The following LMX1B variants were observed in gnomAD, a reference collection of about 807,000 sequenced individuals.
The protein encoded by LMX1B is LIM homeobox transcription factor 1-beta.
In LMX1B, 12 loss-of-function variants were observed where a neutral mutation model predicts 51.4. That is an observed-to-expected ratio of 0.23 (90% CI 0.15 to 0.38). LMX1B has a LOEUF of 0.38. Ranked by LOEUF, LMX1B falls within the 10% of genes least tolerant of loss-of-function variation. The pLI is 1.00. For synonymous variants in LMX1B, 237 were observed against 235.4 expected (o/e 1.01, Z -0.06); for missense variants, 445 against 571.1 (o/e 0.78, Z 2.25).
At chr9:126,652,322 C>T (rs1317241882) in intron 2 of LMX1B, among the ~76,000 whole-genome samples, 1 of 151,638 alleles carries the variant, frequency 6.6e-6, no homozygotes, top group East Asian at 2.0e-4. Context: ...CTCTTTCTTC[C>T]CGGCCTGCTT....
intron 2 of LMX1B, among the ~76,000 whole-genome samples, chr9:126,621,165 G>T (rs1024588313): frequency 6.6e-6 from 1 of 152,238 alleles, no homozygotes; most frequent in Non-Finnish European, 1.5e-5. Flanking sequence ...AAGGATGGAG[G>T]ATACTCTCAC....
intron 2 of LMX1B, among the ~76,000 whole-genome samples, chr9:126,644,300 C>A (rs1321870641): frequency 6.6e-6 from 1 of 152,128 alleles, no homozygotes; most frequent in Non-Finnish European, 1.5e-5. Context: ...TTTGGAAAAA[C>A]CTGTTTGTTG....
intron 2 of LMX1B, among the ~76,000 whole-genome samples, chr9:126,651,521 C>T (rs1365735918): frequency 6.6e-6 from 1 of 152,008 alleles, no homozygotes; most frequent in African/African-American, 2.4e-5. Context: ...GCCTTGGAGC[C>T]CACCTTCTTC....
rs896593420 is a variant in LMX1B at position 126,658,921 on chromosome 9, C to T, written c.327-31915C>T. On this transcript the variant is annotated intron_variant, in intron 2 of 7. Coordinates refer to ENST00000373474, the MANE Select transcript of LMX1B (RefSeq NM_001174147.2). The surrounding 1 kb of genome is among the most constrained non-coding windows in gnomAD (Gnocchi z 4.0). ...AAGTCCATACTGGAGGCAAGAGGCA[C>T]CCAGAAGCCCCACATAGGATGGGGC... Among the ~76,000 whole-genome samples the T allele has an allele frequency of 6.6e-6, 1 of 152,140 alleles. No individual in the cohort carries two copies. Among genetic ancestry groups the T allele is most frequent in the Non-Finnish European group, 1.5e-5 (1 of 68,032 alleles).
rs938661668 is a variant in LMX1B, at chr9:126,693,816, A to AGCCGGG, written c.886+13_886+18dup. ...AACTCCCAGCGGCTGGGCCAGGGTG[A>AGCCGGG]GCCGGGGCCGGGGCAGGGCCTGGGC... On this transcript the variant is annotated splice_donor_region_variant and intron_variant, in intron 6 of 7. Coordinates refer to ENST00000373474, the MANE Select transcript of LMX1B (RefSeq NM_001174147.2). 6 of 1,290,340 alleles carry AGCCGGG rather than the reference A, an allele frequency of 4.6e-6. No individual in the cohort carries two copies. In the African/African-American group the frequency reaches 5.9e-5, roughly 13 times the overall value. The allele number at this position is 1,290,340 out of a possible 1,614,324, so 79.9% of individuals were successfully genotyped here. A position where few individuals can be genotyped will look rare whatever the true frequency, so the allele number is the denominator to read the frequency against.
chr9:126,683,601 C>G (rs1836718113), intron 2 of LMX1B, among the ~76,000 whole-genome samples: 1 of 152,152 alleles, frequency 6.6e-6, no homozygotes, highest in Non-Finnish European at 1.5e-5. Context: ...CATCAGAGCC[C>G]CGTCCCGCCC....
chr9:126,653,800 C>A (rs1229491822), intron 2 of LMX1B, among the ~76,000 whole-genome samples: 3 of 151,800 alleles, frequency 2.0e-5, no homozygotes, highest in African/African-American at 7.3e-5. Flanking sequence ...GTTATTTAAT[C>A]TTATTAAATG....
rs974486167 is a variant in LMX1B at position 126,663,196 on chromosome 9, G to A, written c.327-27640G>A. ...AATCACAGCACTTTGGGAGGTTGAG[G>A]CGGGCGGATCACTTGAGGTCAGGAG... On this transcript the variant is annotated intron_variant, in intron 2 of 7. Coordinates refer to ENST00000373474, the MANE Select transcript of LMX1B (RefSeq NM_001174147.2). 2.4e-4 allele frequency among the ~76,000 whole-genome samples: 25 copies of A among 102,334 alleles called. 1 individual carries two copies. The highest frequency in any genetic ancestry group is 2.0e-4 in the Non-Finnish European group (9 of 45,240). 67.1% of individuals were successfully genotyped at this position (102,334 alleles called of 152,430 possible). A position where few individuals can be genotyped will look rare whatever the true frequency, so the allele number is the denominator to read the frequency against.
At chr9:126,676,591 G>T (rs541963502) in intron 2 of LMX1B, among the ~76,000 whole-genome samples, 2 of 152,346 alleles carry the variant, frequency 1.3e-5, no homozygotes, top group East Asian at 3.9e-4. Context: ...CATGGACAAG[G>T]TACAGAGACC....
intron 2 of LMX1B, among the ~76,000 whole-genome samples, chr9:126,643,231 G>A (rs1407882792): frequency 6.6e-6 from 1 of 152,182 alleles, no homozygotes; most frequent in East Asian, 1.9e-4. Context: ...GGTGAGGTGA[G>A]GAGCTGGGTA....
chr9:126,634,592 G>A (rs1835681726), intron 2 of LMX1B, among the ~76,000 whole-genome samples: 1 of 139,990 alleles, frequency 7.1e-6, no homozygotes, highest in Admixed American at 7.1e-5. Flanking sequence ...TCTGGTGCCA[G>A]GTTCTGCACA....
At chr9:126,690,065 C>T (rs535562511) in intron 2 of LMX1B, among the ~76,000 whole-genome samples, 1 of 152,238 alleles carries the variant, frequency 6.6e-6, no homozygotes, top group South Asian at 2.1e-4. Flanking sequence ...CGAAAGATGG[C>T]TGCCATGATA....
intron 2 of LMX1B, among the ~76,000 whole-genome samples, chr9:126,634,414 C>G (rs998766253): frequency 6.6e-6 from 1 of 152,186 alleles, no homozygotes; most frequent in African/African-American, 2.4e-5. Flanking sequence ...GTGTGGGTAT[C>G]AGGGAGGCAT....
intron 2 of LMX1B, among the ~76,000 whole-genome samples, chr9:126,672,645 G>A (rs1275788396): frequency 1.3e-5 from 2 of 152,116 alleles, no homozygotes; most frequent in Non-Finnish European, 2.9e-5. Flanking sequence ...CGTTACTTGA[G>A]GGATGTCCTG....
intron 2 of LMX1B, among the ~76,000 whole-genome samples, chr9:126,656,615 G>A (rs1836122219): frequency 6.6e-6 from 1 of 152,180 alleles, no homozygotes; most frequent in Non-Finnish European, 1.5e-5. Context: ...CCTAGCTGGA[G>A]GGCAGTGGTG....
Position 126,628,294 on chromosome 9 carries a change from G to A in LMX1B, c.326+12725G>A, listed in dbSNP as rs577875867. Among the ~76,000 whole-genome samples the A allele has an allele frequency of 4.6e-5, 7 of 152,330 alleles. No individual in the cohort carries two copies. The East Asian group carries it at 7.7e-4, about 17-fold the overall frequency. On this transcript the variant is annotated intron_variant, in intron 2 of 7. Coordinates refer to ENST00000373474, the MANE Select transcript of LMX1B (RefSeq NM_001174147.2). ...GGGTCCCTGCCTCAGGGGAGCAGCC[G>A]GCTGGGTCATCTGTGCACAGAAGAC...
chr9:126,683,305 C>T (rs997349246), intron 2 of LMX1B, among the ~76,000 whole-genome samples: 1 of 151,712 alleles, frequency 6.6e-6, no homozygotes, highest in Non-Finnish European at 1.5e-5. Context: ...CGCCGCCGCC[C>T]GCCCGGCCCG....
At position 126,697,448 on chromosome 9, in the gene LMX1B, C is replaced by T. The variant is rs1588310835; in HGVS notation, c.*997C>T. On this transcript the variant is annotated 3_prime_UTR_variant, in exon 8 of 8. Coordinates refer to ENST00000373474, the MANE Select transcript of LMX1B (RefSeq NM_001174147.2). ...GCAATGTGGTCCTCTCCCCAGCCAC[C>T]TCTGCCTCCCCTCACATACCTCCAG... 1 of 152,774 alleles carries T rather than the reference C, an allele frequency of 6.5e-6. No individual in the cohort carries two copies. Among genetic ancestry groups the T allele is most frequent in the South Asian group, 2.1e-4 (1 of 4,832 alleles). 9.5% of individuals were successfully genotyped at this position (152,774 alleles called of 1,614,324 possible). A position where few individuals can be genotyped will look rare whatever the true frequency, so the allele number is the denominator to read the frequency against.
At chr9:126,656,381 C>A (rs1179881711) in intron 2 of LMX1B, among the ~76,000 whole-genome samples, 1 of 134,772 alleles carries the variant, frequency 7.4e-6, no homozygotes, top group African/African-American at 2.8e-5. Flanking sequence ...GAGATCTGGT[C>A]TTTAGATAGA....
Sources: allele counts gnomAD v4.1 joint callset (sites outside exome capture counted in the v4.1 genomes callset), GRCh38; gene constraint gnomAD v4.1.1; non-coding constraint Gnocchi (gnomAD v3.1); transcripts MANE v1.5; gene names NCBI Gene and HGNC (gene_info 2026-07-23, HGNC 2026-07-21).